The following CDH18 variants were observed in gnomAD, a reference collection of about 807,000 sequenced individuals.
CDH18 encodes the protein cadherin 18, also known as cadherin-18.
In CDH18, 31 loss-of-function variants were observed where a neutral mutation model predicts 67.9. The observed-to-expected ratio is 0.46, with a 90% CI of 0.34 to 0.62. CDH18 has a LOEUF of 0.62. Among genes scored for constraint, CDH18 ranks in the 20% least tolerant of loss-of-function variants. The probability of loss-of-function intolerance (pLI) is 0.01; values close to 1 mark genes in which losing one functional copy is unlikely to be tolerated. For missense variants in CDH18, 890 were observed against 975.5 expected (o/e 0.91, Z 1.17); for synonymous variants, 362 against 347.2 (o/e 1.04, Z -0.48).
At chr5:20,335,834 A>G (rs1449778973) in intron 1 of CDH18, among the ~76,000 whole-genome samples, 1 of 152,240 alleles carries the variant, frequency 6.6e-6, no homozygotes, top group African/African-American at 2.4e-5. Flanking sequence ...TTAAAGCATT[A>G]TGAACAAAGA....
chr5:20,063,141 T>G (rs1315684770), intron 2 of CDH18, among the ~76,000 whole-genome samples: 3 of 151,518 alleles, frequency 2.0e-5, no homozygotes, highest in Non-Finnish European at 4.4e-5. Flanking sequence ...AATTATTAGT[T>G]TCTTGTGATT....
At chr5:20,144,914 G>A (rs1159403129) in intron 2 of CDH18, among the ~76,000 whole-genome samples, 2 of 152,038 alleles carry the variant, frequency 1.3e-5, no homozygotes, top group Non-Finnish European at 2.9e-5. Flanking sequence ...AGAGATTGAG[G>A]TGATGCTCTA....
At chr5:20,066,658 T>C (rs890345863) in intron 2 of CDH18, among the ~76,000 whole-genome samples, 2 of 151,960 alleles carry the variant, frequency 1.3e-5, no homozygotes, top group Non-Finnish European at 2.9e-5. Flanking sequence ...AATATAATAA[T>C]AAATTTTTCA....
intron 3 of CDH18, among the ~76,000 whole-genome samples, chr5:19,832,317 G>C (rs1478170843): frequency 6.6e-6 from 1 of 151,870 alleles, no homozygotes; most frequent in Non-Finnish European, 1.5e-5. Context: ...TATAACTATA[G>C]ATACAAAAAT....
chr5:20,236,975 GAC>G (rs1279782803), intron 2 of CDH18, among the ~76,000 whole-genome samples: 3 of 151,746 alleles, frequency 2.0e-5, no homozygotes, highest in African/African-American at 4.8e-5. Flanking sequence ...GAAAAGAAAA[GAC>G]AGTGCATTAA....
intron 2 of CDH18, among the ~76,000 whole-genome samples, chr5:20,094,548 T>C (rs934316453): frequency 6.6e-6 from 1 of 152,198 alleles, no homozygotes. Flanking sequence ...ATAAATTACT[T>C]TGGGCAGTAT....
intron 5 of CDH18, among the ~76,000 whole-genome samples, chr5:19,654,936 G>C (rs900251738): frequency 6.6e-6 from 1 of 152,122 alleles, no homozygotes; most frequent in East Asian, 1.9e-4. Flanking sequence ...CTGCTCTTCT[G>C]CTTCTGTGCT....
chr5:19,747,159 G>A lies in CDH18; in HGVS notation c.306C>T (p.Ile102=), dbSNP rs900708253. ...GGATATCACCCGTGGTATCGTCAAT[G>A]ATAAATATAGTCCCAGCACCCTCTC... ...LTGEGAGTIF[I]IDDTTGDIHS... The change falls in exon 4 of 13, where the codon ATC becomes ATT. Residue 102 remains isoleucine (I), a synonymous_variant. Transcript: ENST00000382275. 1.5e-5 allele frequency: 25 copies of A among 1,613,740 alleles called. No homozygotes were observed. Among genetic ancestry groups the A allele is most frequent in the Non-Finnish European group, 1.9e-5 (23 of 1,179,782 alleles).
chr5:19,797,700 T>C (rs1581394285), intron 3 of CDH18, among the ~76,000 whole-genome samples: 1 of 151,918 alleles, frequency 6.6e-6, no homozygotes, highest in African/African-American at 2.4e-5. Flanking sequence ...CAAAATAAAT[T>C]AAGATATTAC....
chr5:20,343,812 A>G (rs1239160913), intron 1 of CDH18, among the ~76,000 whole-genome samples: 2 of 152,184 alleles, frequency 1.3e-5, no homozygotes, highest in Non-Finnish European at 2.9e-5. Context: ...TGGGTCTACC[A>G]TTAAATACCA....
intron 5 of CDH18, among the ~76,000 whole-genome samples, chr5:19,684,677 C>CAA: frequency 6.6e-6 from 1 of 151,460 alleles, no homozygotes. Context: ...ATTGAAAACC[C>CAA]TGTAATTTGG....
intron 1 of CDH18, among the ~76,000 whole-genome samples, chr5:20,421,321 G>C (rs918480942): frequency 6.6e-6 from 1 of 150,688 alleles, no homozygotes; most frequent in East Asian, 1.9e-4. Flanking sequence ...CAGAGAACAC[G>C]TATCCACTTT....
chr5:19,708,850 T>A lies in CDH18; in HGVS notation c.643+12497A>T, dbSNP rs372683475. On this transcript the variant is annotated intron_variant, in intron 5 of 12. Coordinates refer to ENST00000382275, the MANE Select transcript of CDH18 (RefSeq NM_004934.5). The stretch of plus-strand genomic sequence containing the variant: ...TCAGCTCTGAAGGCTGTCAGCCCCC[T>A]GATTCCCACTCCCCACTGTATATTT... Among the ~76,000 whole-genome samples the A allele has an allele frequency of 2.0e-5, 3 of 152,200 alleles. No individual in the cohort carries two copies. The East Asian group carries it at 5.8e-4, about 30-fold the overall frequency.
upstream of CDH18, among the ~76,000 whole-genome samples, chr5:19,991,333 T>C (rs1174397286): frequency 1.3e-5 from 2 of 152,182 alleles, no homozygotes; most frequent in African/African-American, 2.4e-5. Flanking sequence ...TGAGATATCA[T>C]TGGCATAAAA....
chr5:19,825,494 G>A (rs1490036738), intron 3 of CDH18, among the ~76,000 whole-genome samples: 1 of 152,104 alleles, frequency 6.6e-6, no homozygotes, highest in Non-Finnish European at 1.5e-5. Flanking sequence ...GCACTGGACA[G>A]CAGATTAGGG....
intron 1 of CDH18, among the ~76,000 whole-genome samples, chr5:20,447,410 A>C (rs1561011062): frequency 6.6e-6 from 1 of 151,682 alleles, no homozygotes; most frequent in Admixed American, 6.6e-5. Flanking sequence ...CACAGTGTCC[A>C]CAGTGTGTCT....
chr5:19,542,013 T>C (rs901247026), intron 9 of CDH18, among the ~76,000 whole-genome samples: 4 of 152,202 alleles, frequency 2.6e-5, no homozygotes. Context: ...ATGATTACAA[T>C]TGAACTCACT....
At position 20,227,468 on chromosome 5, in the gene CDH18, C is replaced by A. The variant is rs1741723204; in HGVS notation, c.-518+27976G>T. Among the ~76,000 whole-genome samples, 2 of 152,054 alleles carry A rather than the reference C, an allele frequency of 1.3e-5. 1 individual carries two copies. Among genetic ancestry groups the A allele is most frequent in the South Asian group, 4.1e-4 (2 of 4,830 alleles). On this transcript the variant is annotated intron_variant, in intron 2 of 14. Coordinates refer to the CDH18 transcript ENST00000507958. ...TTCAATAATCAATCATCACCCAACTCATACAAATTCAACAGTATATGTCTT... is the reference window on the plus strand; with the variant it reads ...TTCAATAATCAATCATCACCCAACTAATACAAATTCAACAGTATATGTCTT...
chr5:20,021,862 G>A lies in CDH18; in HGVS notation c.-517-29848C>T, dbSNP rs748045631. On this transcript the variant is annotated intron_variant, in intron 2 of 14. Coordinates refer to the CDH18 transcript ENST00000507958. The stretch of plus-strand genomic sequence containing the variant: ...AATAAAATGGAAAATAATATCATAG[G>A]AATTTGGTAACAAATATACATTTTC... Among the ~76,000 whole-genome samples the A allele has an allele frequency of 4.6e-5, 7 of 152,106 alleles. No individual in the cohort carries two copies. In the South Asian group the frequency reaches 1.2e-3, roughly 27 times the overall value.
Sources: gnomAD v4.1 joint callset for allele counts (sites outside exome capture counted in the v4.1 genomes callset) on GRCh38, gnomAD v4.1.1 for gene constraint, MANE v1.5 for transcripts, NCBI Gene and HGNC (gene_info 2026-07-23, HGNC 2026-07-21) for gene names.